RAP1A: variants seen among roughly 807,000 people sequenced by gnomAD.
The protein encoded by RAP1A is ras-related protein Rap-1A.
RAP1A carries 6 observed loss-of-function variants against 26.4 expected under a neutral mutation model. The observed-to-expected ratio is 0.23, with a 90% confidence interval of 0.12 to 0.45. RAP1A has a LOEUF of 0.45. Ranked by LOEUF, RAP1A falls within the 20% of genes least tolerant of loss-of-function variation. The pLI is 0.99. For missense variants in RAP1A, 121 were observed against 217.2 expected (o/e 0.56, Z 2.78); for synonymous variants, 73 against 79.4 (o/e 0.92, Z 0.43).
intron 1 of RAP1A, among the ~76,000 whole-genome samples, chr1:111,668,118 T>C (rs970264610): frequency 2.6e-5 from 4 of 152,224 alleles, no homozygotes; most frequent in Non-Finnish European, 5.9e-5. Context: ...AGTTGCAACC[T>C]AGCCTTTATG....
chr1:111,594,576 G>GGAAC (rs1171297548), intron 1 of RAP1A, among the ~76,000 whole-genome samples: 1 of 144,684 alleles, frequency 6.9e-6, no homozygotes, highest in Admixed American at 6.8e-5. Context: ...AGGGAAGGAA[G>GGAAC]GAAGGAAGGA....
In RAP1A at chr1:111,568,658, A is replaced by G. The variant is rs138680505; in HGVS notation, c.-28+26149A>G. 1.5e-3 allele frequency among the ~76,000 whole-genome samples: 234 copies of G among 152,318 alleles called. 2 individuals are homozygous for G. Among genetic ancestry groups the G allele is most frequent in the African/African-American group, 5.4e-3 (223 of 41,546 alleles). ...AATGCTGAAAGAGTTCTGGTAATAC[A>G]TTTGACCCCTAAACAACACAGGTTC... is the stretch of plus-strand genomic sequence containing the variant. On this transcript the variant is annotated intron_variant, in intron 1 of 7. Transcript: ENST00000356415.
At chr1:111,635,285 TTTAA>T (rs1210124808) in intron 1 of RAP1A, among the ~76,000 whole-genome samples, 1 of 152,196 alleles carries the variant, frequency 6.6e-6, no homozygotes, top group Non-Finnish European at 1.5e-5. Context: ...TGGATAAGTG[TTTAA>T]TTATAGGATT....
chr1:111,664,663 T>C (rs983164626), intron 1 of RAP1A, among the ~76,000 whole-genome samples: 1 of 152,184 alleles, frequency 6.6e-6, no homozygotes, highest in African/African-American at 2.4e-5. Flanking sequence ...ATTCCTCAGC[T>C]TCCTTCCCAA....
At chr1:111,657,308 A>C (rs188218691) in intron 1 of RAP1A, among the ~76,000 whole-genome samples, 1 of 152,320 alleles carries the variant, frequency 6.6e-6, no homozygotes, top group East Asian at 1.9e-4. Flanking sequence ...AACATATTGT[A>C]TAAAATTACT....
chr1:111,675,734 G>A (rs928749879), intron 1 of RAP1A, among the ~76,000 whole-genome samples: 24 of 152,118 alleles, frequency 1.6e-4, no homozygotes, highest in African/African-American at 5.1e-4. Flanking sequence ...CTGCTTTATA[G>A]TGTCCTCACT....
chr1:111,660,778 A>T (rs888145003), intron 1 of RAP1A, among the ~76,000 whole-genome samples: 4 of 152,128 alleles, frequency 2.6e-5, no homozygotes, highest in African/African-American at 9.7e-5. Flanking sequence ...CTCTCTATTT[A>T]ATATCTTACC....
chr1:111,615,374 T>G (rs1021148876), upstream of RAP1A, among the ~76,000 whole-genome samples: 7 of 151,742 alleles, frequency 4.6e-5, no homozygotes, highest in Non-Finnish European at 1.5e-5. Context: ...AGTCTCGACC[T>G]AGGTTAACCA....
chr1:111,579,142 C>T (rs1405683032), intron 1 of RAP1A, among the ~76,000 whole-genome samples: 2 of 152,152 alleles, frequency 1.3e-5, no homozygotes, highest in African/African-American at 4.8e-5. Flanking sequence ...GTTTATAGAG[C>T]TTGATGTTCA....
At chr1:111,645,547 C>T (rs1433034949) in intron 1 of RAP1A, among the ~76,000 whole-genome samples, 2 of 152,050 alleles carry the variant, frequency 1.3e-5, no homozygotes, top group Non-Finnish European at 1.5e-5. Flanking sequence ...GGCTGATTTG[C>T]GGGTGAAACA....
intron 1 of RAP1A, among the ~76,000 whole-genome samples, chr1:111,625,915 T>C (rs1659384929): frequency 6.6e-6 from 1 of 152,202 alleles, no homozygotes; most frequent in Admixed American, 6.5e-5. Context: ...TAGCTGGGAC[T>C]ACAGGCGTGT....
At chr1:111,647,230 C>T (rs1385920914) in intron 1 of RAP1A, among the ~76,000 whole-genome samples, 1 of 152,184 alleles carries the variant, frequency 6.6e-6, no homozygotes. Context: ...ATCTAGCTTG[C>T]ACGCTTCTTA....
intron 1 of RAP1A, among the ~76,000 whole-genome samples, chr1:111,609,486 C>G (rs887677175): frequency 1.3e-5 from 2 of 152,120 alleles, no homozygotes; most frequent in Non-Finnish European, 2.9e-5. Flanking sequence ...AGTCTTCCAT[C>G]TTTTTCTTCT....
chr1:111,604,362 C>T (rs553014491), intron 1 of RAP1A: 1 of 152,404 alleles, frequency 6.6e-6, no homozygotes, highest in African/African-American at 2.4e-5. Flanking sequence ...CTCTGCCTCA[C>T]TCTCACCTGC....
chr1:111,616,830 C>A (rs751280360), upstream of RAP1A, among the ~76,000 whole-genome samples: 6 of 152,180 alleles, frequency 3.9e-5, no homozygotes, highest in Non-Finnish European at 8.8e-5. Context: ...GCCCTCAGCA[C>A]TGTCCATGCT....
intron 1 of RAP1A, among the ~76,000 whole-genome samples, chr1:111,574,480 T>C (rs1658108626): frequency 6.6e-6 from 1 of 152,230 alleles, no homozygotes; most frequent in Admixed American, 6.5e-5. Context: ...TAGTTTTCTC[T>C]AGTTCTGTGA....
At chr1:111,651,044 C>A (rs539718456) in intron 1 of RAP1A, among the ~76,000 whole-genome samples, 14 of 152,034 alleles carry the variant, frequency 9.2e-5, no homozygotes, top group African/African-American at 2.4e-4. Flanking sequence ...CCTCGTGATC[C>A]GCCCGCCTCG....
At chr1:111,673,308 C>T (rs1261475176) in intron 1 of RAP1A, among the ~76,000 whole-genome samples, 2 of 152,180 alleles carry the variant, frequency 1.3e-5, no homozygotes, top group African/African-American at 4.8e-5. Flanking sequence ...AAACTACCTT[C>T]ACTGTTCCTT....
At chr1:111,651,473 ATTTTTTTT>A (rs5777070) in intron 1 of RAP1A, among the ~76,000 whole-genome samples, 1 of 123,814 alleles carries the variant, frequency 8.1e-6, no homozygotes, top group African/African-American at 3.0e-5. Context: ...TATATATATA[ATTTTTTTT>A]TTTTTTTTTT....
Sources: gnomAD v4.1 joint callset for allele counts (sites outside exome capture counted in the v4.1 genomes callset) on GRCh38, gnomAD v4.1.1 for gene constraint, MANE v1.5 for transcripts, NCBI Gene and HGNC (gene_info 2026-07-23, HGNC 2026-07-21) for gene names.